Variants in COL27A1 observed in about 807,000 individuals in gnomAD.
The protein encoded by COL27A1 is collagen alpha-1(XXVII) chain.
In COL27A1, 106 loss-of-function variants were observed where a neutral mutation model predicts 251.3. That is an observed-to-expected ratio of 0.42 (90% CI 0.36 to 0.50). The LOEUF is 0.50. Ranked by LOEUF, COL27A1 falls within the 20% of genes least tolerant of loss-of-function variation. The pLI is 0.00. For synonymous variants in COL27A1, 1,000 were observed against 986.3 expected (o/e 1.01, Z -0.26); for missense variants, 2,325 against 2,522.8 (o/e 0.92, Z 1.68).
At chr9:114,229,596 G>A (rs80042316) in intron 14 of COL27A1, among the ~76,000 whole-genome samples, 7,696 of 152,292 alleles carry the variant, frequency 0.051, 250 homozygotes, top group Middle Eastern at 0.11. Flanking sequence ...GAGCCTGATC[G>A]GGTAGCAGGA....
intron 23 of COL27A1, 118 bp downstream of exon 23, chr9:114,243,678 C>A: frequency 1.3e-6 from 1 of 775,886 alleles, no homozygotes; most frequent in Non-Finnish European, 2.1e-6. Flanking sequence ...AAAATTGGTT[C>A]CTGTTTAGAA....
intron 5 of COL27A1, among the ~76,000 whole-genome samples, chr9:114,185,115 G>A (rs1269171198): frequency 6.6e-6 from 1 of 152,178 alleles, no homozygotes; most frequent in Non-Finnish European, 1.5e-5. Flanking sequence ...GGTAGGAGGA[G>A]GGCCTGCCAG....
chr9:114,289,378 C>A (rs1827750891), intron 45 of COL27A1, 83 bp downstream of exon 45: 2 of 1,368,692 alleles, frequency 1.5e-6, no homozygotes, highest in South Asian at 2.8e-5. Context: ...AAACCAAACG[C>A]AGGCTGCAGA....
Position 114,307,730 on chromosome 9 carries a change from C to T in COL27A1, c.5169C>T (p.Asn1723=). ...CSSDTIEVSC[N]FTHGGQTCLK... is the part of the protein sequence containing the mutation. Reference sequence around the variant, plus strand: ...CTGACACCATCGAGGTCTCCTGCAACTTCACTCATGGTGGACAGACGTGTC... The same window carrying T: ...CTGACACCATCGAGGTCTCCTGCAATTTCACTCATGGTGGACAGACGTGTC... Residue 1723 remains asparagine (N), a synonymous_variant, in exon 59 of 61, where the codon AAC becomes AAT. Coordinates refer to ENST00000356083, the MANE Select transcript of COL27A1 (RefSeq NM_032888.4). 1 of 1,614,224 alleles carries T rather than the reference C, an allele frequency of 6.2e-7. No homozygotes were observed. The highest frequency in any genetic ancestry group is 2.2e-5 in the East Asian group (1 of 44,878).
rs185889136 is a variant in COL27A1 at position 114,292,312 on chromosome 9, A to G, written c.4584+102A>G. 134 of 943,330 alleles carry G rather than the reference A, an allele frequency of 1.4e-4. No individual in the cohort carries two copies. In the African/African-American group the frequency reaches 2.0e-3, roughly 14 times the overall value. 58.4% of individuals were successfully genotyped at this position (943,330 alleles called of 1,614,324 possible). On this transcript the variant is annotated intron_variant, in intron 49 of 60. Transcript: ENST00000356083. ...ACATGCACACTCATACACACACACA[A>G]ACACACTGACCCAGAAGCCACCTCC...
At chr9:114,231,760 A>G (rs1831973677) in intron 15 of COL27A1, 62 bp from the exon 16 acceptor site, 3 of 1,567,102 alleles carry the variant, frequency 1.9e-6, no homozygotes, top group South Asian at 2.2e-5. Context: ...TGTTTAAGCC[A>G]GGGCTCCTGA....
intron 12 of COL27A1, among the ~76,000 whole-genome samples, chr9:114,212,165 G>A (rs990582567): frequency 4.6e-5 from 7 of 152,194 alleles, no homozygotes; most frequent in Admixed American, 6.5e-5. Flanking sequence ...TCTGTGGCCC[G>A]AACAGGCAGT....
rs748958845 is a variant in COL27A1, at chr9:114,237,629, C to T, written c.2674-33C>T. ...GGTTCATGGAAGGTGGGGTCCTCAC[C>T]CCTGCCTCCCTGCAACCTCTTCTCT... On this transcript the variant is annotated intron_variant, in intron 18 of 60. Transcript: ENST00000356083. The T allele has an allele frequency of 2.5e-6, 4 of 1,602,970 alleles. No homozygotes were observed. In the South Asian group the frequency reaches 4.4e-5, roughly 18 times the overall value.
At chr9:114,297,975 A>C (rs548585419) in intron 49 of COL27A1, among the ~76,000 whole-genome samples, 6 of 152,286 alleles carry the variant, frequency 3.9e-5, no homozygotes, top group Admixed American at 6.5e-5. Flanking sequence ...TAATAGCATC[A>C]AAGAGAATAA....
At chr9:114,209,125 T>C (rs1387654719) in intron 10 of COL27A1, among the ~76,000 whole-genome samples, 1 of 152,194 alleles carries the variant, frequency 6.6e-6, no homozygotes, top group Non-Finnish European at 1.5e-5. Flanking sequence ...GTGGTGACAA[T>C]CTGGGGGGTC....
intron 41 of COL27A1, among the ~76,000 whole-genome samples, chr9:114,287,961 A>G (rs1466307476): frequency 6.6e-6 from 1 of 152,180 alleles, no homozygotes; most frequent in African/African-American, 2.4e-5. Context: ...GGCCCAGAGC[A>G]GTGCCCATGC....
chr9:114,303,264 A>C (rs1828796168), intron 56 of COL27A1, among the ~76,000 whole-genome samples: 1 of 139,254 alleles, frequency 7.2e-6, no homozygotes, highest in African/African-American at 2.7e-5. Context: ...TTTGAGACAC[A>C]GTCTTGCTCT....
At chr9:114,167,618 T>G in intron 2 of COL27A1, 71 bp from the exon 3 acceptor site, 1 of 1,337,418 alleles carries the variant, frequency 7.5e-7, no homozygotes. Flanking sequence ...CTGTGCCCCT[T>G]AGGGGGTAGG....
intron 22 of COL27A1, among the ~76,000 whole-genome samples, chr9:114,242,574 G>GGCCCTCAGCCCGA (rs1832832082): frequency 6.6e-6 from 1 of 152,198 alleles, no homozygotes; most frequent in Non-Finnish European, 1.5e-5. Context: ...GCCCTGCCTG[G>GGCCCTCAGCCCGA]GCCCTCAGCC....
At chr9:114,306,191 C>T (rs1167970931) in intron 57 of COL27A1, 2 of 210,866 alleles carry the variant, frequency 9.5e-6, no homozygotes, top group South Asian at 8.4e-5. Flanking sequence ...TCCACAGGCT[C>T]TTTGCAGATA....
At chr9:114,230,982 GC>G in intron 14 of COL27A1, 96 bp from the exon 15 acceptor site, 1 of 965,160 alleles carries the variant, frequency 1.0e-6, no homozygotes, top group Non-Finnish European at 1.6e-6. Context: ...GTCTTTGGAA[GC>G]CCAGGCCCAG....
intron 28 of COL27A1, among the ~76,000 whole-genome samples, chr9:114,261,308 C>T (rs1290703490): frequency 6.6e-6 from 1 of 152,148 alleles, no homozygotes; most frequent in East Asian, 1.9e-4. Context: ...CCTCGAGGAG[C>T]GGATACAAGA....
intron 5 of COL27A1, among the ~76,000 whole-genome samples, chr9:114,190,641 TCTGTTCTATTTCCCAACCCTA>T (rs1828690962): frequency 6.6e-6 from 1 of 152,210 alleles, no homozygotes; most frequent in Admixed American, 6.5e-5. Context: ...ACCCAAGCCT[TCTGTTCTATTTCCCAACCCTA>T]CCTGCAGGAA....
chr9:114,271,058 G>T, intron 36 of COL27A1: 1 of 457,182 alleles, frequency 2.2e-6, no homozygotes, highest in Non-Finnish European at 3.8e-6. Context: ...TTGGCTAAGG[G>T]TGATTCCTGA....
Sources: allele counts gnomAD v4.1 joint callset (sites outside exome capture counted in the v4.1 genomes callset), GRCh38; gene constraint gnomAD v4.1.1; transcripts MANE v1.5; gene names NCBI Gene and HGNC (gene_info 2026-07-23, HGNC 2026-07-21).